Variants in RAB38 observed in about 807,000 individuals in gnomAD.
RAB38 encodes ras-related protein Rab-38.
A neutral mutation model predicts 18.4 loss-of-function variants in RAB38; 15 were observed. That is an observed-to-expected ratio of 0.82 (90% confidence interval 0.55 to 1.26). The LOEUF (loss-of-function observed/expected upper bound fraction) is 1.26, where lower values mean the gene tolerates loss of function less well. RAB38 is among the 50% of genes most tolerant of loss of function. RAB38 has a pLI of 0.00. For missense variants in RAB38, 294 were observed against 267.4 expected (o/e 1.10, Z -0.69); for synonymous variants, 101 against 104.4 (o/e 0.97, Z 0.20).
the RAB38 span, among the ~76,000 whole-genome samples, chr11:87,875,068 C>T: frequency 2.0e-5 from 3 of 151,466 alleles, no homozygotes; most frequent in African/African-American, 7.3e-5. Flanking sequence ...TACAAAGTTT[C>T]AGATAGACAG....
At chr11:87,827,189 T>G in the RAB38 span, among the ~76,000 whole-genome samples, 12 of 152,302 alleles carry the variant, frequency 7.9e-5, no homozygotes, top group African/African-American at 2.4e-4. Context: ...AAAACATTAA[T>G]TCTATATGAT....
chr11:88,147,696 T>C (rs1448803925), intron 2 of RAB38, among the ~76,000 whole-genome samples: 2 of 151,790 alleles, frequency 1.3e-5, no homozygotes, highest in Non-Finnish European at 1.5e-5. Flanking sequence ...ATTGAGACCA[T>C]CCTGGCTAAC....
chr11:88,157,560 G>T (rs970704663), intron 1 of RAB38, among the ~76,000 whole-genome samples: 2 of 152,046 alleles, frequency 1.3e-5, no homozygotes, highest in African/African-American at 4.8e-5. Context: ...CATTTGCACA[G>T]AACATAGAAA....
chr11:87,812,417 G>C, the RAB38 span, among the ~76,000 whole-genome samples: 1 of 151,902 alleles, frequency 6.6e-6, no homozygotes, highest in Non-Finnish European at 1.5e-5. Context: ...TTTGAGGCTA[G>C]GAAAAAAAGT....
chr11:88,030,139 T>A, the RAB38 span, among the ~76,000 whole-genome samples: 1 of 152,014 alleles, frequency 6.6e-6, no homozygotes, highest in East Asian at 1.9e-4. Context: ...ACTGGGTACA[T>A]AACGAAATGA....
the RAB38 span, among the ~76,000 whole-genome samples, chr11:88,063,419 C>T: frequency 6.6e-5 from 10 of 152,088 alleles, no homozygotes; most frequent in Non-Finnish European, 1.5e-4. Flanking sequence ...CCTACACTCA[C>T]TTTAGAATGG....
chr11:87,875,079 G>A, the RAB38 span, among the ~76,000 whole-genome samples: 1 of 151,530 alleles, frequency 6.6e-6, no homozygotes, highest in Non-Finnish European at 1.5e-5. Context: ...AGATAGACAG[G>A]AGGAATAATC....
chr11:88,117,633 CA>C (rs1942573820), intron 2 of RAB38, among the ~76,000 whole-genome samples: 1 of 152,166 alleles, frequency 6.6e-6, no homozygotes, highest in Non-Finnish European at 1.5e-5. Flanking sequence ...AGGCACGCTA[CA>C]AAAAGGCAAG....
chr11:87,976,677 A>ATGAATATATAATTTTATATAATATG, the RAB38 span, among the ~76,000 whole-genome samples: 1 of 119,054 alleles, frequency 8.4e-6, no homozygotes, highest in Admixed American at 9.3e-5. Flanking sequence ...TATATGATAT[A>ATGAATATATAATTTTATATAATATG]TATTTATATA....
At chr11:87,948,515 T>G in the RAB38 span, among the ~76,000 whole-genome samples, 1 of 152,120 alleles carries the variant, frequency 6.6e-6, no homozygotes, top group East Asian at 1.9e-4. Flanking sequence ...CCATTCAGTA[T>G]GATATTGGCT....
the RAB38 span, among the ~76,000 whole-genome samples, chr11:88,056,832 A>AATAAATACATACATACATAC: frequency 3.5e-4 from 16 of 45,556 alleles, 1 homozygote; most frequent in Admixed American, 2.5e-3. Context: ...TAAATAAATA[A>AATAAATACATACATACATAC]ATACATACAT....
the RAB38 span, among the ~76,000 whole-genome samples, chr11:87,820,880 TAGAG>T: frequency 2.6e-5 from 4 of 152,198 alleles, no homozygotes; most frequent in African/African-American, 7.2e-5. Context: ...TGTAGCATAT[TAGAG>T]AGAGAAGAAT....
the RAB38 span, among the ~76,000 whole-genome samples, chr11:88,090,144 C>T: frequency 6.6e-6 from 1 of 152,068 alleles, no homozygotes; most frequent in African/African-American, 2.4e-5. Context: ...TCTCATTTCC[C>T]TTCCTTTTCA....
At chr11:87,855,915 C>T in the RAB38 span, among the ~76,000 whole-genome samples, 3 of 152,044 alleles carry the variant, frequency 2.0e-5, no homozygotes, top group South Asian at 2.1e-4. Context: ...GCTCCCTATA[C>T]GGCAACATGT....
the RAB38 span, among the ~76,000 whole-genome samples, chr11:88,030,656 C>A: frequency 3.9e-5 from 6 of 152,172 alleles, no homozygotes; most frequent in African/African-American, 1.4e-4. Context: ...TCAACACATA[C>A]ACTCTCCCAA....
At chr11:87,821,391 A>G in the RAB38 span, among the ~76,000 whole-genome samples, 1 of 152,234 alleles carries the variant, frequency 6.6e-6, no homozygotes, top group Non-Finnish European at 1.5e-5. Context: ...AGTGGAACAA[A>G]GGAATTTTCA....
intron 1 of RAB38, among the ~76,000 whole-genome samples, chr11:88,150,279 T>G (rs1018510346): frequency 3.3e-5 from 5 of 152,224 alleles, no homozygotes; most frequent in African/African-American, 9.6e-5. Context: ...AAATTTTTAA[T>G]TCAAGTATTC....
At chr11:87,938,297 C>T in the RAB38 span, among the ~76,000 whole-genome samples, 1 of 152,016 alleles carries the variant, frequency 6.6e-6, no homozygotes, top group Admixed American at 6.6e-5. Context: ...ACTAGGTTGT[C>T]TTTGACACCA....
the RAB38 span, among the ~76,000 whole-genome samples, chr11:87,926,632 C>A: frequency 1.3e-5 from 2 of 151,944 alleles, no homozygotes; most frequent in Non-Finnish European, 2.9e-5. Context: ...GTAGATAATT[C>A]TAAATGAAGA....
Sources: allele counts gnomAD v4.1 joint callset (sites outside exome capture counted in the v4.1 genomes callset), GRCh38; gene constraint gnomAD v4.1.1; transcripts MANE v1.5; gene names NCBI Gene and HGNC (gene_info 2026-07-23, HGNC 2026-07-21).